Variants in ANKRD11 observed in about 807,000 individuals in gnomAD.
The protein encoded by ANKRD11 is ankyrin repeat domain-containing protein 11.
ANKRD11 carries 17 observed loss-of-function variants against 195.7 expected under a neutral mutation model. The observed-to-expected ratio is 0.09, with a 90% CI of 0.06 to 0.13. The LOEUF (loss-of-function observed/expected upper bound fraction) is 0.13. Ranked by LOEUF, ANKRD11 falls within the 10% of genes least tolerant of loss-of-function variation. ANKRD11 has a pLI of 1.00. For missense variants in ANKRD11, 3,735 were observed against 3,566.1 expected (o/e 1.05, Z -1.21); for synonymous variants, 1,953 against 1,528.1 (o/e 1.28, Z -6.49).
Position 89,291,217 on chromosome 16 carries a change from A to G in ANKRD11, c.227-34T>C, listed in dbSNP as rs775649741. On this transcript the variant is annotated intron_variant, in intron 4 of 12. Coordinates refer to ENST00000301030, the MANE Select transcript of ANKRD11 (RefSeq NM_013275.6). This position sits in a 1 kb window ranked among gnomAD's most constrained non-coding sequence, Gnocchi z 5.3. Reference sequence around the variant, plus strand: ...CGGGCGAGGGAGAGAGGGAGGAGAGATTTCATGCCATGGTGTCCTCCAAAG... The same window carrying G: ...CGGGCGAGGGAGAGAGGGAGGAGAGGTTTCATGCCATGGTGTCCTCCAAAG... 1.9e-6 allele frequency: 3 copies of G among 1,609,428 alleles called. No homozygotes were observed. Among genetic ancestry groups the G allele is most frequent in the Non-Finnish European group, 2.5e-6 (3 of 1,179,682 alleles).
At chr16:89,317,369 C>T (rs1210127601) in intron 2 of ANKRD11, among the ~76,000 whole-genome samples, 1 of 152,196 alleles carries the variant, frequency 6.6e-6, no homozygotes, top group African/African-American at 2.4e-5. Flanking sequence ...TTCTGGGTGG[C>T]AGTCAGCAGC....
At chr16:89,488,693 A>G (rs4785677) in intron 1 of ANKRD11, among the ~76,000 whole-genome samples, 77,104 of 151,976 alleles carry the variant, frequency 0.51, 20,301 homozygotes, top group East Asian at 0.67. Context: ...ATCATCTTAT[A>G]TGTTTGGCTA....
chr16:89,414,436 C>T (rs777469864), intron 2 of ANKRD11, among the ~76,000 whole-genome samples: 1 of 152,156 alleles, frequency 6.6e-6, no homozygotes, highest in African/African-American at 2.4e-5. Flanking sequence ...AGCCGCACCG[C>T]CTGAGAGGAC....
chr16:89,449,721 A>G (rs912723871), intron 1 of ANKRD11, among the ~76,000 whole-genome samples: 1 of 152,148 alleles, frequency 6.6e-6, no homozygotes, highest in Non-Finnish European at 1.5e-5. Flanking sequence ...TGAACCTGGG[A>G]GGTGGAGGTT....
chr16:89,395,499 C>T (rs1001867193), intron 2 of ANKRD11, among the ~76,000 whole-genome samples: 6 of 152,214 alleles, frequency 3.9e-5, no homozygotes, highest in African/African-American at 1.2e-4. Context: ...CAGGAACAGA[C>T]GCACAGACCC....
chr16:89,426,525 A>ATCAC (rs1377090801), intron 1 of ANKRD11, among the ~76,000 whole-genome samples: 1 of 116,428 alleles, frequency 8.6e-6, no homozygotes, highest in Non-Finnish European at 1.8e-5. Context: ...TGGTCACTTA[A>ATCAC]ACATCACACA....
intron 6 of ANKRD11, among the ~76,000 whole-genome samples, chr16:89,290,406 T>TGGGGGAGGCTCAGGGCTCCAATG (rs2034974059): frequency 3.6e-5 from 1 of 27,408 alleles, no homozygotes; most frequent in Admixed American, 3.8e-4. Flanking sequence ...GGGCTCCAAT[T>TGGGGGAGGCTCAGGGCTCCAATG]GGGGGAGGCT....
chr16:89,428,848 C>T (rs1233245565), intron 1 of ANKRD11, among the ~76,000 whole-genome samples: 4 of 152,144 alleles, frequency 2.6e-5, no homozygotes, highest in Non-Finnish European at 4.4e-5. Flanking sequence ...AAGCCAAGAT[C>T]GTGCCAATGC....
chr16:89,386,733 T>C (rs754449566), intron 2 of ANKRD11, among the ~76,000 whole-genome samples: 33 of 152,234 alleles, frequency 2.2e-4, no homozygotes, highest in East Asian at 1.9e-3. Context: ...ATTAAAACCA[T>C]TGACTGTTGG....
chr16:89,430,173 T>C (rs12102287), intron 1 of ANKRD11, among the ~76,000 whole-genome samples: 4,226 of 20,136 alleles, frequency 0.21, 648 homozygotes, highest in Admixed American at 0.25. Flanking sequence ...TTCTAGTACA[T>C]AGCAGGGACT....
At chr16:89,409,996 C>A (rs535955043) in intron 2 of ANKRD11, among the ~76,000 whole-genome samples, 2 of 152,086 alleles carry the variant, frequency 1.3e-5, no homozygotes, top group Non-Finnish European at 2.9e-5. Flanking sequence ...CCCGCCACCA[C>A]GCCCGGCTAA....
In ANKRD11 at chr16:89,300,460, G is replaced by A. The variant is rs572500873; in HGVS notation, c.226+4746C>T. 44 of 195,130 alleles carry A rather than the reference G, an allele frequency of 2.3e-4. No homozygotes were observed. In the South Asian group the frequency reaches 3.1e-3, roughly 14 times the overall value. The allele number at this position is 195,130 out of a possible 1,614,324, so 12.1% of individuals were successfully genotyped here. On this transcript the variant is annotated intron_variant, in intron 4 of 12. Coordinates refer to ENST00000301030, the MANE Select transcript of ANKRD11 (RefSeq NM_013275.6). ...CTCTCCAGGCACCTGCCCCGCCTGC[G>A]AGCACAGCCTGGCCCCTGCTGCACT...
chr16:89,371,394 T>C (rs2040185946), intron 2 of ANKRD11, among the ~76,000 whole-genome samples: 1 of 152,184 alleles, frequency 6.6e-6, no homozygotes, highest in Non-Finnish European at 1.5e-5. Flanking sequence ...TTAAATCAAG[T>C]CATTCCCTGC....
At chr16:89,276,298 G>A (rs1189326548) in intron 9 of ANKRD11, among the ~76,000 whole-genome samples, 3 of 152,208 alleles carry the variant, frequency 2.0e-5, no homozygotes, top group Admixed American at 6.5e-5. Flanking sequence ...CAGGCCCAGC[G>A]CACAGGAGTG....
intron 1 of ANKRD11, among the ~76,000 whole-genome samples, chr16:89,482,134 A>G (rs923535051): frequency 1.3e-5 from 2 of 152,222 alleles, no homozygotes; most frequent in African/African-American, 4.8e-5. Context: ...TCAGTGAAAC[A>G]TCAGAAAAAG....
Position 89,283,817 on chromosome 16 carries a change from C to T in ANKRD11, c.2725G>A (p.Asp909Asn), listed in dbSNP as rs766793499. The T allele has an allele frequency of 3.7e-6, 6 of 1,614,040 alleles. No individual in the cohort carries two copies. The African/African-American group carries it at 8.0e-5, about 22-fold the overall frequency. ...DYREPFFRKK[D>N]RDYLDKNSEK... ...GAGTTTTTATCCAAATAGTCCCTGT[C>T]CTTCTTTCGGAAGAAGGGCTCTCTG... is the stretch of plus-strand genomic sequence containing the variant. Residue 909 changes from aspartate to asparagine, a missense_variant, in exon 9 of 13, where the codon GAC becomes AAC. By Grantham distance (23) the Asp-to-Asn change is conservative. Coordinates refer to ENST00000301030, the MANE Select transcript of ANKRD11 (RefSeq NM_013275.6). This position sits in a 1 kb window ranked among gnomAD's most constrained non-coding sequence, Gnocchi z 4.3.
rs765896910 is a variant in ANKRD11, at chr16:89,285,444, T to C, written c.1098A>G (p.Leu366=). ...DRVPPVDDKH[L]LKKDYRKETK... ...TTTCTTTTCTGTAGTCCTTTTTCAA[T>C]AGGTGCTTGTCGTCCACCGGAGGAA... The change falls in exon 9 of 13, where the codon CTA becomes CTG. Residue 366 remains leucine, a synonymous_variant. Coordinates refer to ENST00000301030, the MANE Select transcript of ANKRD11 (RefSeq NM_013275.6). The surrounding 1 kb of genome is among the most constrained non-coding windows in gnomAD (Gnocchi z 5.6). The C allele has an allele frequency of 5.0e-6, 8 of 1,614,102 alleles. No individual in the cohort carries two copies. The highest frequency in any genetic ancestry group is 4.2e-6 in the Non-Finnish European group (5 of 1,180,052).
At chr16:89,269,514 T>C (rs999606735) in intron 12 of ANKRD11, among the ~76,000 whole-genome samples, 6 of 152,218 alleles carry the variant, frequency 3.9e-5, no homozygotes, top group Non-Finnish European at 8.8e-5. Context: ...CATGGAATCA[T>C]ATAATACCCT....
intron 2 of ANKRD11, among the ~76,000 whole-genome samples, chr16:89,391,056 A>C (rs1013500295): frequency 2.0e-5 from 3 of 151,968 alleles, no homozygotes; most frequent in Non-Finnish European, 2.9e-5. Context: ...GTGAAACCCC[A>C]TCTCTACTAA....
Sources: gnomAD v4.1 joint callset for allele counts (sites outside exome capture counted in the v4.1 genomes callset) on GRCh38, gnomAD v4.1.1 for gene constraint, Gnocchi (gnomAD v3.1) non-coding constraint, MANE v1.5 for transcripts, NCBI Gene and HGNC (gene_info 2026-07-23, HGNC 2026-07-21) for gene names.